The following ARHGAP21 variants were observed in gnomAD, a reference collection of about 807,000 sequenced individuals.
ARHGAP21 encodes Rho GTPase activating protein 21.
A neutral mutation model predicts 164.6 loss-of-function variants in ARHGAP21; 38 were observed. That is an observed-to-expected ratio of 0.23 (90% CI 0.18 to 0.30). ARHGAP21 has a LOEUF of 0.30. Ranked by LOEUF, ARHGAP21 falls within the 10% of genes least tolerant of loss-of-function variation. ARHGAP21 has a pLI of 1.00. For synonymous variants in ARHGAP21, 766 were observed against 857.9 expected, an observed-to-expected ratio of 0.89 and a Z score of 1.87; for missense variants, 1,822 against 2,370.7, an observed-to-expected ratio of 0.77 and a Z score of 4.81.
intron 4 of ARHGAP21, among the ~76,000 whole-genome samples, chr10:24,660,929 A>G (rs1258179622): frequency 3.9e-5 from 6 of 152,216 alleles, no homozygotes; most frequent in Non-Finnish European, 7.4e-5. Context: ...TCAGGCCCCT[A>G]TGCTGAGCCA....
At chr10:24,602,935 G>A (rs1179662859) in intron 12 of ARHGAP21, among the ~76,000 whole-genome samples, 1 of 152,120 alleles carries the variant, frequency 6.6e-6, no homozygotes, top group South Asian at 2.1e-4. Flanking sequence ...GAAGGTGAAT[G>A]GAAGTGAACT....
At chr10:24,647,515 T>C (rs1837691328) in intron 4 of ARHGAP21, among the ~76,000 whole-genome samples, 1 of 152,204 alleles carries the variant, frequency 6.6e-6, no homozygotes. Flanking sequence ...GAAATCTGCT[T>C]TTCTTCTTCA....
chr10:24,601,654 G>A (rs1431083934), intron 13 of ARHGAP21, among the ~76,000 whole-genome samples: 1 of 151,998 alleles, frequency 6.6e-6, no homozygotes. Context: ...CTTCCTAAAG[G>A]ACAACGGAAT....
rs750523963 is a variant in ARHGAP21 at position 24,600,757 on chromosome 10, A to G, written c.3021T>C (p.Asn1007=). 4 of 1,613,852 alleles carry G rather than the reference A, an allele frequency of 2.5e-6. No individual in the cohort carries two copies. Among genetic ancestry groups the G allele is most frequent in the Non-Finnish European group, 3.4e-6 (4 of 1,179,884 alleles). ...DISYSETKRK[N]VFRLTTSDCE... is the part of the protein sequence containing the mutation. ...AGTCGGACGTGGTGAGTCGAAACAC[A>G]TTTTTCCTCTTGGTCTCACTGTAAG... Residue 1007 remains asparagine, a synonymous_variant, in exon 14 of 26, where the codon AAT becomes AAC. Coordinates refer to ENST00000396432, the MANE Select transcript of ARHGAP21 (RefSeq NM_020824.4).
chr10:24,656,348 CA>C (rs1319571811), intron 4 of ARHGAP21, among the ~76,000 whole-genome samples: 1 of 92,602 alleles, frequency 1.1e-5, no homozygotes, highest in African/African-American at 4.8e-5. Context: ...ATGGGGGGGT[CA>C]GCCCCCCCAC....
chr10:24,639,839 G>GCC (rs1434764084), intron 4 of ARHGAP21, among the ~76,000 whole-genome samples: 5 of 151,192 alleles, frequency 3.3e-5, no homozygotes, highest in Non-Finnish European at 5.9e-5. Context: ...TTTGGAGAAA[G>GCC]CCTAAGACAA....
chr10:24,660,752 T>G (rs1255110450), intron 4 of ARHGAP21, among the ~76,000 whole-genome samples: 2 of 152,262 alleles, frequency 1.3e-5, no homozygotes, highest in African/African-American at 4.8e-5. Context: ...ATACATTTCC[T>G]GCATTAAATA....
chr10:24,595,063 G>GGATTCAGAGGCTGAAT, intron 20 of ARHGAP21, 24 bp from the exon 21 acceptor site: 5 of 1,607,340 alleles, frequency 3.1e-6, no homozygotes, highest in Non-Finnish European at 4.3e-6. Context: ...TTTTCACAAT[G>GGATTCAGAGGCTGAAT]GATTCAGAGG....
intron 2 of ARHGAP21, among the ~76,000 whole-genome samples, chr10:24,716,873 G>A (rs1481067019): frequency 6.6e-6 from 1 of 152,184 alleles, no homozygotes; most frequent in East Asian, 1.9e-4. Context: ...AAGACTGGAA[G>A]GAGCATACTT....
At chr10:24,613,157 G>A (rs1480091020) in intron 9 of ARHGAP21, among the ~76,000 whole-genome samples, 1 of 151,880 alleles carries the variant, frequency 6.6e-6, no homozygotes, top group East Asian at 1.9e-4. Flanking sequence ...TCAGGTACAA[G>A]AGCTGATAAA....
At chr10:24,717,186 G>C (rs1209866046) in intron 2 of ARHGAP21, among the ~76,000 whole-genome samples, 1 of 152,176 alleles carries the variant, frequency 6.6e-6, no homozygotes, top group Non-Finnish European at 1.5e-5. Context: ...TCAGGATGTC[G>C]AGGAAACCTC....
intron 4 of ARHGAP21, among the ~76,000 whole-genome samples, chr10:24,664,331 C>T (rs1461246844): frequency 4.6e-5 from 7 of 151,892 alleles, no homozygotes; most frequent in Admixed American, 1.3e-4. Context: ...CCGAGGCAGG[C>T]GGATCATGAG....
At chr10:24,627,786 C>T (rs1835290368) in intron 7 of ARHGAP21, among the ~76,000 whole-genome samples, 1 of 152,154 alleles carries the variant, frequency 6.6e-6, no homozygotes, top group African/African-American at 2.4e-5. Context: ...TTAATCATAT[C>T]ATTACAAAAT....
chr10:24,670,495 A>G, intron 2 of ARHGAP21, 98 bp from the exon 3 acceptor site: 1 of 724,038 alleles, frequency 1.4e-6, no homozygotes, highest in Non-Finnish European at 2.0e-6. Context: ...GAGCGCCGAT[A>G]TGAACTATTT....
At chr10:24,636,405 G>GTGA (rs1420511779) in intron 4 of ARHGAP21, among the ~76,000 whole-genome samples, 3 of 152,214 alleles carry the variant, frequency 2.0e-5, no homozygotes, top group Non-Finnish European at 2.9e-5. Context: ...AAACTCTGAG[G>GTGA]TGATTGTGAT....
intron 2 of ARHGAP21, among the ~76,000 whole-genome samples, chr10:24,690,893 T>TAC (rs563674632): frequency 1.3e-4 from 19 of 149,814 alleles, no homozygotes; most frequent in African/African-American, 2.7e-4. Context: ...AACACACACA[T>TAC]ACACACACAC....
At chr10:24,708,483 T>C (rs889132320) in intron 2 of ARHGAP21, among the ~76,000 whole-genome samples, 2 of 152,214 alleles carry the variant, frequency 1.3e-5, no homozygotes, top group African/African-American at 4.8e-5. Flanking sequence ...GTTATCTGCA[T>C]AGATAGTGTA....
intron 2 of ARHGAP21, among the ~76,000 whole-genome samples, chr10:24,708,175 G>A (rs1007792983): frequency 2.0e-5 from 3 of 152,210 alleles, no homozygotes; most frequent in African/African-American, 7.2e-5. Context: ...TGAGGCTACT[G>A]AAAAGCTTGT....
rs2076298149 is a variant in ARHGAP21, at chr10:24,590,901, GTTTTAC to G, written c.4150+318_4150+323del. 3.2e-6 allele frequency: 3 copies of G among 929,648 alleles called. No homozygotes were observed. In the African/African-American group the frequency reaches 5.7e-5, roughly 18 times the overall value. The allele number at this position is 929,648 out of a possible 1,614,324, so 57.6% of individuals were successfully genotyped here. A position where few individuals can be genotyped will look rare whatever the true frequency, so the allele number is the denominator to read the frequency against. On this transcript the variant is annotated intron_variant, in intron 24 of 25. Coordinates refer to ENST00000396432, the MANE Select transcript of ARHGAP21 (RefSeq NM_020824.4). ...ACCACATACTCAGTAGCATATATCT[GTTTTAC>G]CTTGTGATGACTATTACATGGAAAC...
Sources: allele counts gnomAD v4.1 joint callset (sites outside exome capture counted in the v4.1 genomes callset), GRCh38; gene constraint gnomAD v4.1.1; transcripts MANE v1.5; gene names NCBI Gene and HGNC (gene_info 2026-07-23, HGNC 2026-07-21).